The following PDZRN4 variants were observed in gnomAD, a reference collection of about 807,000 sequenced individuals.
PDZRN4 encodes the protein PDZ domain containing ring finger 4, also known as PDZ domain-containing RING finger protein 4.
PDZRN4 carries 70 observed loss-of-function variants against 99.0 expected under a neutral mutation model. The ratio of observed to expected loss-of-function variants is 0.71; its 90% CI spans 0.58 to 0.86. The LOEUF is 0.86. Ranked by LOEUF, PDZRN4 falls within the 40% of genes least tolerant of loss-of-function variation. The probability of loss-of-function intolerance (pLI) is 0.00; values close to 1 mark genes in which losing one functional copy is unlikely to be tolerated. For missense variants in PDZRN4, 1,474 were observed against 1,331.2 expected (o/e 1.11, Z -1.67); for synonymous variants, 551 against 501.6 (o/e 1.10, Z -1.32).
chr12:41,324,401 T>G (rs760473305), intron 3 of PDZRN4, among the ~76,000 whole-genome samples: 4 of 152,128 alleles, frequency 2.6e-5, no homozygotes, highest in Non-Finnish European at 2.9e-5. Context: ...CTGTATATTC[T>G]AGTACTTTTT....
chr12:41,477,273 T>C (rs1937612417), intron 3 of PDZRN4, among the ~76,000 whole-genome samples: 1 of 152,218 alleles, frequency 6.6e-6, no homozygotes, highest in Non-Finnish European at 1.5e-5. Flanking sequence ...GCTGCCTGCC[T>C]CCATTTTTCA....
At chr12:41,221,584 G>T (rs1950956421) in intron 3 of PDZRN4, among the ~76,000 whole-genome samples, 1 of 151,972 alleles carries the variant, frequency 6.6e-6, no homozygotes, top group Middle Eastern at 3.2e-3. Context: ...GAAAGAACTG[G>T]CTAGTTTATG....
chr12:41,387,022 A>G (rs1306774724), intron 3 of PDZRN4, among the ~76,000 whole-genome samples: 1 of 152,160 alleles, frequency 6.6e-6, no homozygotes, highest in Non-Finnish European at 1.5e-5. Flanking sequence ...TAAATCCTGG[A>G]AGACCACCTA....
chr12:41,464,297 GAA>G (rs5797737), intron 3 of PDZRN4, among the ~76,000 whole-genome samples: 195 of 149,392 alleles, frequency 1.3e-3, no homozygotes, highest in Middle Eastern at 3.4e-3. Context: ...TAGCTTTCAG[GAA>G]AAAAAAAAAA....
chr12:41,534,705 A>G (rs569183807), intron 5 of PDZRN4, among the ~76,000 whole-genome samples: 19 of 152,272 alleles, frequency 1.2e-4, no homozygotes, highest in African/African-American at 4.6e-4. Flanking sequence ...TGTTCCAAAA[A>G]GATCTTTTCC....
At chr12:41,506,384 C>A in intron 3 of PDZRN4, 72 bp from the exon 4 acceptor site, 1 of 1,414,562 alleles carries the variant, frequency 7.1e-7, no homozygotes, top group Non-Finnish European at 9.6e-7. Context: ...TTCTCTCTGT[C>A]TTTTATTAAT....
intron 3 of PDZRN4, among the ~76,000 whole-genome samples, chr12:41,423,738 C>T (rs912095208): frequency 4.6e-5 from 7 of 152,088 alleles, no homozygotes; most frequent in African/African-American, 1.4e-4. Flanking sequence ...GTGAATTTGC[C>T]ATTATGATTT....
chr12:41,280,206 T>C (rs997564798), intron 3 of PDZRN4, among the ~76,000 whole-genome samples: 1 of 152,004 alleles, frequency 6.6e-6, no homozygotes, highest in Non-Finnish European at 1.5e-5. Flanking sequence ...TTTCCCAGGG[T>C]CTTTGCAACC....
chr12:41,533,888 T>G (rs1938706016), intron 5 of PDZRN4, among the ~76,000 whole-genome samples: 1 of 152,184 alleles, frequency 6.6e-6, no homozygotes. Flanking sequence ...CTTCCCTTTT[T>G]AAAAATCTTT....
At chr12:41,234,998 C>T (rs1951056078) in intron 3 of PDZRN4, among the ~76,000 whole-genome samples, 1 of 152,080 alleles carries the variant, frequency 6.6e-6, no homozygotes, top group Non-Finnish European at 1.5e-5. Context: ...CACTAACCTA[C>T]ACCGGAAGGG....
At chr12:41,569,470 G>C (rs778536829) in intron 9 of PDZRN4, among the ~76,000 whole-genome samples, 3 of 150,394 alleles carry the variant, frequency 2.0e-5, no homozygotes, top group Non-Finnish European at 4.4e-5. Context: ...GACCAGGCTG[G>C]CCTCGAACTC....
chr12:41,430,703 A>G (rs1230884201), intron 3 of PDZRN4, among the ~76,000 whole-genome samples: 1 of 152,216 alleles, frequency 6.6e-6, no homozygotes, highest in African/African-American at 2.4e-5. Flanking sequence ...ATAAAATTTC[A>G]AACAATGTAA....
At chr12:41,566,873 A>G (rs564734456) in intron 8 of PDZRN4, among the ~76,000 whole-genome samples, 2 of 152,336 alleles carry the variant, frequency 1.3e-5, no homozygotes, top group East Asian at 3.9e-4. Context: ...CAGCATAGAC[A>G]GCTAATTTAT....
At chr12:41,432,884 G>C (rs752286323) in intron 3 of PDZRN4, among the ~76,000 whole-genome samples, 14 of 152,144 alleles carry the variant, frequency 9.2e-5, no homozygotes, top group Admixed American at 1.3e-4. Context: ...GTTCAGCTTT[G>C]CTGGAGCCTG....
At chr12:41,223,493 G>A (rs1357169794) in intron 3 of PDZRN4, among the ~76,000 whole-genome samples, 1 of 152,124 alleles carries the variant, frequency 6.6e-6, no homozygotes, top group Non-Finnish European at 1.5e-5. Context: ...CTCAAATCCT[G>A]TAGACACAGA....
Position 41,567,882 on chromosome 12 carries a change from G to C in PDZRN4, c.1567G>C (p.Ala523Pro). The change falls in exon 9 of 10, where the codon GCC becomes CCC. Residue 523 changes from alanine (A) to proline (P), a missense_variant. Transcript: ENST00000402685. Reference sequence around the variant, plus strand: ...GCATAATGAAGCAATGCAGCCCACTGCCAATGAGGTGGAGCAGGTAGGGCC... The same window carrying C: ...GCATAATGAAGCAATGCAGCCCACTCCCAATGAGGTGGAGCAGGTAGGGCC... ...EEHNEAMQPT[A>P]NEVEQPKKQE... 1 of 1,607,758 alleles carries C rather than the reference G, an allele frequency of 6.2e-7. No individual in the cohort carries two copies. Among genetic ancestry groups the C allele is most frequent in the Non-Finnish European group, 8.5e-7 (1 of 1,175,186 alleles).
intron 3 of PDZRN4, among the ~76,000 whole-genome samples, chr12:41,488,554 C>T (rs1937821414): frequency 6.6e-6 from 1 of 152,112 alleles, no homozygotes; most frequent in Non-Finnish European, 1.5e-5. Flanking sequence ...AATTTTATCT[C>T]ATTAATGGCA....
At chr12:41,451,047 G>A (rs1462241289) in intron 3 of PDZRN4, among the ~76,000 whole-genome samples, 1 of 151,424 alleles carries the variant, frequency 6.6e-6, no homozygotes, top group African/African-American at 2.4e-5. Flanking sequence ...AGATAGTATT[G>A]TACTGAATGG....
chr12:41,275,892 G>A (rs1223396633), intron 3 of PDZRN4, among the ~76,000 whole-genome samples: 1 of 152,138 alleles, frequency 6.6e-6, no homozygotes, highest in African/African-American at 2.4e-5. Context: ...GGCTGGATGT[G>A]AAAAATGAAG....
Sources: allele counts gnomAD v4.1 joint callset (sites outside exome capture counted in the v4.1 genomes callset), GRCh38; gene constraint gnomAD v4.1.1; transcripts MANE v1.5; gene names NCBI Gene and HGNC (gene_info 2026-07-23, HGNC 2026-07-21).